VASH1: variants seen among roughly 807,000 people sequenced by gnomAD.
VASH1 encodes vasohibin 1, also known as tubulinyl-Tyr carboxypeptidase 1.
A neutral mutation model predicts 35.0 loss-of-function variants in VASH1; 16 were observed. The observed-to-expected ratio is 0.46, with a 90% CI of 0.31 to 0.70. VASH1 has a LOEUF of 0.70. Ranked by LOEUF, VASH1 falls within the 30% of genes least tolerant of loss-of-function variation. The pLI is 0.05. For synonymous variants in VASH1, 214 were observed against 200.9 expected, an observed-to-expected ratio of 1.07 and a Z score of -0.55; for missense variants, 505 against 510.7, an observed-to-expected ratio of 0.99 and a Z score of 0.11.
At position 76,775,881 on chromosome 14, in the gene VASH1, G is replaced by A; in HGVS notation, c.531-11G>A. On this transcript the variant is annotated splice_polypyrimidine_tract_variant and intron_variant, in intron 4 of 6. Coordinates refer to ENST00000167106, the MANE Select transcript of VASH1 (RefSeq NM_014909.5). The stretch of plus-strand genomic sequence containing the variant: ...TTCTCCTGGCTCTTTCCTTAGCGGG[G>A]CACTGGCCAGTTACCTCACCAACAG... The A allele has an allele frequency of 6.4e-7, 1 of 1,551,998 alleles. No homozygotes were observed. The highest frequency in any genetic ancestry group is 1.3e-5 in the African/African-American group (1 of 74,166).
intron 1 of VASH1, among the ~76,000 whole-genome samples, chr14:76,767,173 A>G (rs1893662703): frequency 6.6e-6 from 1 of 151,914 alleles, no homozygotes; most frequent in Admixed American, 6.6e-5. Context: ...TGAACCCAGG[A>G]GATGAGGTTT....
Position 76,774,768 on chromosome 14 carries a change from G to A in VASH1, c.531-1124G>A, listed in dbSNP as rs565866749. On this transcript the variant is annotated intron_variant, in intron 4 of 6. Coordinates refer to ENST00000167106, the MANE Select transcript of VASH1 (RefSeq NM_014909.5). ...GGCTCAGTAAGCATTGGTGGAATGA[G>A]AGTAGTGCTGGAGGGACCGTGGCAT... is the stretch of plus-strand genomic sequence containing the variant. 3.3e-5 allele frequency: 5 copies of A among 152,462 alleles called. No homozygotes were observed. The East Asian group carries it at 9.6e-4, about 29-fold the overall frequency. The allele number at this position is 152,462 out of a possible 1,614,324, so 9.4% of individuals were successfully genotyped here. A position where few individuals can be genotyped will look rare whatever the true frequency, so the allele number is the denominator to read the frequency against.
At position 76,780,630 on chromosome 14, in the gene VASH1, A is replaced by G. The variant is rs1435849485; in HGVS notation, c.*1612A>G. 6.6e-6 allele frequency: 1 copy of G among 152,242 alleles called. No individual in the cohort carries two copies. Among genetic ancestry groups the G allele is most frequent in the Non-Finnish European group, 1.5e-5 (1 of 68,058 alleles). The allele number at this position is 152,242 out of a possible 1,614,324, so 9.4% of individuals were successfully genotyped here. A position where few individuals can be genotyped will look rare whatever the true frequency, so the allele number is the denominator to read the frequency against. ...GAGGGCACACCCTGTTAAAGGGGCCACAGCTGCTCAGCTGTTCTTACAGTG... is the reference window on the plus strand; with the variant it reads ...GAGGGCACACCCTGTTAAAGGGGCCGCAGCTGCTCAGCTGTTCTTACAGTG... On this transcript the variant is annotated 3_prime_UTR_variant, in exon 7 of 7. Transcript: ENST00000167106.
intron 1 of VASH1, among the ~76,000 whole-genome samples, chr14:76,765,651 A>G (rs1893623781): frequency 6.6e-6 from 1 of 152,254 alleles, no homozygotes; most frequent in Non-Finnish European, 1.5e-5. Context: ...GTGGGGCTCA[A>G]GAAGTGTTTT....
intron 1 of VASH1, among the ~76,000 whole-genome samples, chr14:76,766,382 T>C (rs1175537434): frequency 6.6e-6 from 1 of 152,166 alleles, no homozygotes; most frequent in Non-Finnish European, 1.5e-5. Context: ...GCCACAGAGC[T>C]CCTGCAGAAT....
rs1451296075 is a variant in VASH1, at chr14:76,779,141, G to GT, written c.*124dup. The GT allele has an allele frequency of 8.1e-6, 9 of 1,112,396 alleles. No homozygotes were observed. In the Admixed American group the frequency reaches 1.4e-4, roughly 18 times the overall value. 68.9% of individuals were successfully genotyped at this position (1,112,396 alleles called of 1,614,324 possible). A position where few individuals can be genotyped will look rare whatever the true frequency, so the allele number is the denominator to read the frequency against. ...GGCAGGGCAAGAGGCTGCAGGAAGAGTGTGTTCCAGCTCAGCCCCCCAAGC... is the reference window on the plus strand; with the variant it reads ...GGCAGGGCAAGAGGCTGCAGGAAGAGTTGTGTTCCAGCTCAGCCCCCCAAGC... On this transcript the variant is annotated 3_prime_UTR_variant, in exon 7 of 7. Coordinates refer to ENST00000167106, the MANE Select transcript of VASH1 (RefSeq NM_014909.5).
rs763431907 is a variant in VASH1 at position 76,773,223 on chromosome 14, C to T, written c.530+12C>T. 6 of 1,613,788 alleles carry T rather than the reference C, an allele frequency of 3.7e-6. No homozygotes were observed. Among genetic ancestry groups the T allele is most frequent in the Non-Finnish European group, 5.1e-6 (6 of 1,179,844 alleles). On this transcript the variant is annotated intron_variant, in intron 4 of 6. Transcript: ENST00000167106. ...GTGATCCTGGGAATGTATCCTTCCTCACCTGAAGGGGAGGGGTCCGGGCTT... is the reference window on the plus strand; with the variant it reads ...GTGATCCTGGGAATGTATCCTTCCTTACCTGAAGGGGAGGGGTCCGGGCTT...
chr14:76,776,156 C>T lies in VASH1; in HGVS notation c.795C>T (p.His265=), dbSNP rs558923372. 5.6e-6 allele frequency: 9 copies of T among 1,610,502 alleles called. No homozygotes were observed. Among genetic ancestry groups the T allele is most frequent in the South Asian group, 3.3e-5 (3 of 90,982 alleles). Residue 265 remains histidine, a synonymous_variant, in exon 5 of 7, where the codon CAC becomes CAT. Coordinates refer to ENST00000167106, the MANE Select transcript of VASH1 (RefSeq NM_014909.5). ...TGAAGCTGGGCCAGAGCGTGTCACA[C>T]GACCCGCACAGCGTGGAGCAGATCG... ...KKVKLGQSVS[H]DPHSVEQIEW...
In VASH1 at chr14:76,771,179, C is replaced by T. The variant is rs546271310; in HGVS notation, c.399-11C>T. ...AGGCCAAGCTAGGAAGCCCTTAACC[C>T]GTGCCCACAGGTACAATCACACAGG... On this transcript the variant is annotated splice_polypyrimidine_tract_variant and intron_variant, in intron 2 of 6. Transcript: ENST00000167106. The T allele has an allele frequency of 3.5e-5, 56 of 1,584,130 alleles. No homozygotes were observed. Among genetic ancestry groups the T allele is most frequent in the Non-Finnish European group, 4.5e-5 (52 of 1,165,540 alleles).
intron 1 of VASH1, among the ~76,000 whole-genome samples, chr14:76,769,727 A>C (rs1264375197): frequency 6.6e-6 from 1 of 152,244 alleles, no homozygotes; most frequent in Non-Finnish European, 1.5e-5. Flanking sequence ...GAACATCAGC[A>C]TACACTCTGA....
chr14:76,763,137 C>T lies in VASH1; in HGVS notation c.309+7C>T, dbSNP rs1281233706. ...GGCCACAGACCTGCCCAAGGTGAGA[C>T]ACACGGGTCAGGGGGGTGATAGCAC... On this transcript the variant is annotated splice_region_variant and intron_variant, in intron 1 of 6. Transcript: ENST00000167106. 2 of 1,461,168 alleles carry T rather than the reference C, an allele frequency of 1.4e-6. No homozygotes were observed. Among genetic ancestry groups the T allele is most frequent in the African/African-American group, 1.4e-5 (1 of 70,764 alleles). The allele number at this position is 1,461,168 out of a possible 1,614,324, so 90.5% of individuals were successfully genotyped here.
chr14:76,780,734 G>A lies in VASH1; in HGVS notation c.*1716G>A, dbSNP rs1263283965. 1.3e-5 allele frequency: 2 copies of A among 152,214 alleles called. No homozygotes were observed. Among genetic ancestry groups the A allele is most frequent in the African/African-American group, 4.8e-5 (2 of 41,454 alleles). 9.4% of individuals were successfully genotyped at this position (152,214 alleles called of 1,614,324 possible). ...TTTATGTGAAATAGGATTTTTAAATGCTGGTGATCACTTAAAAAAAACTTA... is the reference window on the plus strand; with the variant it reads ...TTTATGTGAAATAGGATTTTTAAATACTGGTGATCACTTAAAAAAAACTTA... On this transcript the variant is annotated 3_prime_UTR_variant, in exon 7 of 7. Coordinates refer to ENST00000167106, the MANE Select transcript of VASH1 (RefSeq NM_014909.5).
intron 4 of VASH1, 73 bp from the exon 5 acceptor site, chr14:76,775,819 C>G (rs1893920508): frequency 6.8e-7 from 1 of 1,476,492 alleles, no homozygotes; most frequent in African/African-American, 1.4e-5. Context: ...CCCCGTGGCT[C>G]CCGGTCCCAG....
intron 1 of VASH1, chr14:76,769,318 G>A: frequency 7.8e-7 from 1 of 1,288,966 alleles, no homozygotes; most frequent in South Asian, 1.2e-5. Context: ...GAGAAGACTT[G>A]GAGGAGGACC....
chr14:76,776,467 G>A (rs1893948430), intron 5 of VASH1, among the ~76,000 whole-genome samples, 194 bp downstream of exon 5: 1 of 152,180 alleles, frequency 6.6e-6, no homozygotes, highest in South Asian at 2.1e-4. Flanking sequence ...GGAGGTGGGT[G>A]GGCTGGGTTT....
Position 76,779,683 on chromosome 14 carries a change from A to G in VASH1, c.*665A>G, listed in dbSNP as rs986350694. ...GTGCTGTGTGGGCAGAGGAGGGGTG[A>G]TATGAGAGCGAGCCCAGGGAAGGAC... On this transcript the variant is annotated 3_prime_UTR_variant, in exon 7 of 7. Coordinates refer to ENST00000167106, the MANE Select transcript of VASH1 (RefSeq NM_014909.5). The G allele has an allele frequency of 1.0e-5, 6 of 595,246 alleles. No individual in the cohort carries two copies. The African/African-American group carries it at 1.1e-4, about 11-fold the overall frequency. 36.9% of individuals were successfully genotyped at this position (595,246 alleles called of 1,614,324 possible). A position where few individuals can be genotyped will look rare whatever the true frequency, so the allele number is the denominator to read the frequency against.
intron 1 of VASH1, among the ~76,000 whole-genome samples, chr14:76,767,244 CAATAAATAAATAAATA>C (rs3059397): frequency 2.9e-5 from 4 of 136,222 alleles, no homozygotes; most frequent in African/African-American, 5.5e-5. Flanking sequence ...AACTCTGTCT[CAATAAATAAATAAATA>C]AATAAATAAA....
chr14:76,782,189 G>A lies in VASH1; in HGVS notation c.*3171G>A, dbSNP rs894559680. On this transcript the variant is annotated 3_prime_UTR_variant, in exon 7 of 7. Coordinates refer to ENST00000167106, the MANE Select transcript of VASH1 (RefSeq NM_014909.5). ...TAACTGCCAGTCCTCTTCCTCCAAG[G>A]CCTCTGCATATTCTCATGTTCCCCT... 1 of 152,362 alleles carries A rather than the reference G, an allele frequency of 6.6e-6. No homozygotes were observed. The highest frequency in any genetic ancestry group is 1.5e-5 in the Non-Finnish European group (1 of 68,202). The allele number at this position is 152,362 out of a possible 1,614,324, so 9.4% of individuals were successfully genotyped here.
At chr14:76,769,344 T>C in intron 1 of VASH1, 1 of 1,289,104 alleles carries the variant, frequency 7.8e-7, no homozygotes, top group Non-Finnish European at 1.0e-6. Flanking sequence ...CCTCTGTGCA[T>C]GCCCCAGCCA....
Sources: allele counts gnomAD v4.1 joint callset (sites outside exome capture counted in the v4.1 genomes callset), GRCh38; gene constraint gnomAD v4.1.1; transcripts MANE v1.5; gene names NCBI Gene and HGNC (gene_info 2026-07-23, HGNC 2026-07-21).